Variants in CTNND2 observed in about 807,000 individuals in gnomAD.
CTNND2 encodes catenin delta-2.
A neutral mutation model predicts 144.4 loss-of-function variants in CTNND2; 22 were observed. The ratio of observed to expected loss-of-function variants is 0.15; its 90% CI spans 0.11 to 0.22. The LOEUF (loss-of-function observed/expected upper bound fraction) is 0.22, where lower values mean the gene tolerates loss of function less well. CTNND2 is among the 10% of genes least tolerant of loss of function. The pLI is 1.00. For missense variants in CTNND2, 1,353 were observed against 1,618.8 expected (o/e 0.84, Z 2.82); for synonymous variants, 751 against 695.6 (o/e 1.08, Z -1.25).
intron 1 of CTNND2, among the ~76,000 whole-genome samples, chr5:11,894,898 A>G (rs1737273801): frequency 6.6e-6 from 1 of 152,158 alleles, no homozygotes; most frequent in African/African-American, 2.4e-5. Context: ...CAAATGATGA[A>G]CTAAGTGTTT....
chr5:11,157,447 C>G (rs768898504), intron 12 of CTNND2, among the ~76,000 whole-genome samples: 3 of 152,158 alleles, frequency 2.0e-5, no homozygotes, highest in Non-Finnish European at 4.4e-5. Flanking sequence ...TAAATTGCCA[C>G]TAGGCTGTTG....
intron 15 of CTNND2, among the ~76,000 whole-genome samples, chr5:11,085,237 C>T (rs1205765609): frequency 6.6e-6 from 1 of 152,058 alleles, no homozygotes; most frequent in South Asian, 2.1e-4. Flanking sequence ...ATTTTTGATA[C>T]GAGAAACTGG....
At chr5:11,060,908 G>A (rs895794478) in intron 16 of CTNND2, among the ~76,000 whole-genome samples, 1 of 152,162 alleles carries the variant, frequency 6.6e-6, no homozygotes, top group Non-Finnish European at 1.5e-5. Context: ...GAGACTTCCT[G>A]TAGATGTTTC....
intron 1 of CTNND2, among the ~76,000 whole-genome samples, chr5:11,786,359 TA>T (rs1305997017): frequency 6.6e-6 from 1 of 152,238 alleles, no homozygotes; most frequent in Non-Finnish European, 1.5e-5. Context: ...TAACACTTTT[TA>T]AAGTGATGCA....
At chr5:11,593,842 C>G (rs976694525) in intron 2 of CTNND2, among the ~76,000 whole-genome samples, 80 of 151,936 alleles carry the variant, frequency 5.3e-4, no homozygotes, top group African/African-American at 1.7e-3. Flanking sequence ...CACTACTCAC[C>G]AGGGTACAAA....
intron 3 of CTNND2, among the ~76,000 whole-genome samples, chr5:11,495,250 G>A (rs954157165): frequency 9.2e-5 from 14 of 152,122 alleles, no homozygotes; most frequent in East Asian, 3.9e-4. Flanking sequence ...ATTAATTATC[G>A]AAATATGTGG....
At chr5:11,225,434 G>C (rs1740223505) in intron 10 of CTNND2, among the ~76,000 whole-genome samples, 1 of 152,114 alleles carries the variant, frequency 6.6e-6, no homozygotes, top group Non-Finnish European at 1.5e-5. Flanking sequence ...TCTTTCACCT[G>C]TTCTTGGTTG....
intron 1 of CTNND2, among the ~76,000 whole-genome samples, chr5:11,790,088 G>A (rs895029613): frequency 2.0e-5 from 3 of 152,124 alleles, no homozygotes; most frequent in Non-Finnish European, 4.4e-5. Flanking sequence ...ATGCTTCGAG[G>A]ATTGAATTTG....
chr5:11,490,124 C>T (rs903757911), intron 3 of CTNND2, among the ~76,000 whole-genome samples: 7 of 152,154 alleles, frequency 4.6e-5, no homozygotes, highest in Admixed American at 3.9e-4. Context: ...ATTGTTTTAA[C>T]ATTTGGCTTT....
chr5:11,546,604 T>C (rs1276896118), intron 3 of CTNND2, among the ~76,000 whole-genome samples: 1 of 152,186 alleles, frequency 6.6e-6, no homozygotes, highest in Non-Finnish European at 1.5e-5. Flanking sequence ...AGATGTCTCT[T>C]TTTTAAAAAA....
intron 3 of CTNND2, among the ~76,000 whole-genome samples, chr5:11,540,388 T>A (rs2150068426): frequency 6.6e-6 from 1 of 152,324 alleles, no homozygotes; most frequent in African/African-American, 2.4e-5. Flanking sequence ...GCAGACTCCC[T>A]TACTCCTTGT....
intron 1 of CTNND2, among the ~76,000 whole-genome samples, chr5:11,889,871 C>T (rs1167518016): frequency 2.0e-5 from 3 of 152,190 alleles, no homozygotes; most frequent in Non-Finnish European, 4.4e-5. Context: ...CAACCTTTAT[C>T]ACTCAAGGTC....
At chr5:11,786,109 G>A (rs565785123) in intron 1 of CTNND2, among the ~76,000 whole-genome samples, 9 of 152,168 alleles carry the variant, frequency 5.9e-5, no homozygotes, top group East Asian at 1.9e-4. Context: ...GTAACAGCGC[G>A]GCAGCAGGGC....
intron 3 of CTNND2, among the ~76,000 whole-genome samples, chr5:11,472,320 T>C (rs1393596889): frequency 1.3e-5 from 2 of 152,330 alleles, no homozygotes; most frequent in Non-Finnish European, 2.9e-5. Context: ...CTGGCATCAG[T>C]ACCATATAGG....
chr5:11,584,848 CTGAA>C (rs1561589779), intron 2 of CTNND2, among the ~76,000 whole-genome samples: 1 of 152,104 alleles, frequency 6.6e-6, no homozygotes, highest in East Asian at 1.9e-4. Flanking sequence ...GAGCTACTGA[CTGAA>C]TATGATTCTG....
intron 12 of CTNND2, among the ~76,000 whole-genome samples, chr5:11,142,458 T>A (rs907279145): frequency 1.3e-5 from 2 of 152,080 alleles, no homozygotes; most frequent in Non-Finnish European, 2.9e-5. Flanking sequence ...GAGAAGGGTG[T>A]GAACAGTGAG....
chr5:11,656,784 A>C (rs1199287320), intron 2 of CTNND2, among the ~76,000 whole-genome samples: 1 of 152,064 alleles, frequency 6.6e-6, no homozygotes, highest in African/African-American at 2.4e-5. Flanking sequence ...CCATCCCAAA[A>C]ATTCTGAGAT....
At chr5:11,823,317 G>A (rs1433289407) in intron 1 of CTNND2, among the ~76,000 whole-genome samples, 11 of 152,182 alleles carry the variant, frequency 7.2e-5, no homozygotes, top group Non-Finnish European at 1.2e-4. Context: ...CGAGTTTGTG[G>A]ATTTGTGCTG....
chr5:11,517,633 G>T (rs528863458), intron 3 of CTNND2, among the ~76,000 whole-genome samples: 16 of 151,546 alleles, frequency 1.1e-4, no homozygotes, highest in African/African-American at 3.9e-4. Flanking sequence ...GGTGTAGGGG[G>T]CAAGGGGAGG....
Sources: allele counts gnomAD v4.1 joint callset (sites outside exome capture counted in the v4.1 genomes callset), GRCh38; gene constraint gnomAD v4.1.1; transcripts MANE v1.5; gene names NCBI Gene and HGNC (gene_info 2026-07-23, HGNC 2026-07-21).